GAPVD1: variants seen among roughly 807,000 people sequenced by gnomAD.
GAPVD1 encodes GTPase activating protein and VPS9 domains 1.
In GAPVD1, 35 loss-of-function variants were observed where a neutral mutation model predicts 155.5. The observed-to-expected ratio is 0.23, with a 90% CI of 0.17 to 0.30. The LOEUF (loss-of-function observed/expected upper bound fraction) is 0.30. Among genes scored for constraint, GAPVD1 ranks in the 10% least tolerant of loss-of-function variants. The probability of loss-of-function intolerance (pLI) is 1.00; values close to 1 mark genes in which losing one functional copy is unlikely to be tolerated. For synonymous variants in GAPVD1, 636 were observed against 619.7 expected, an observed-to-expected ratio of 1.03 and a Z score of -0.39; for missense variants, 1,429 against 1,775.7, an observed-to-expected ratio of 0.80 and a Z score of 3.51.
chr9:125,279,117 C>T (rs1463660154), intron 2 of GAPVD1, among the ~76,000 whole-genome samples: 1 of 150,182 alleles, frequency 6.7e-6, no homozygotes, highest in African/African-American at 2.5e-5. Flanking sequence ...GAGGCTGAAG[C>T]AGGGTAATCA....
rs540809150 is a variant in GAPVD1, at chr9:125,275,927, G to T, written c.-150+6943G>T. On this transcript the variant is annotated intron_variant, in intron 2 of 27. Coordinates refer to ENST00000297933, the MANE Select transcript of GAPVD1 (RefSeq NM_001282680.3). ...GTATTGATATTGTCTCAGTTGAGTT[G>T]TATAATAAAATCCGAGCTTAACCCA... 3.8e-4 allele frequency among the ~76,000 whole-genome samples: 58 copies of T among 152,274 alleles called. No homozygotes were observed. In the South Asian group the frequency reaches 0.011, roughly 30 times the overall value.
chr9:125,321,971 A>G (rs889067983), intron 10 of GAPVD1, among the ~76,000 whole-genome samples: 2 of 152,200 alleles, frequency 1.3e-5, no homozygotes, highest in Admixed American at 6.5e-5. Context: ...ACACTCACAC[A>G]TACCTTTATG....
In GAPVD1 at chr9:125,367,000, T is replaced by C. The variant is rs1242647785; in HGVS notation, c.*4254T>C. The C allele has an allele frequency of 3.3e-5, 5 of 152,224 alleles. No homozygotes were observed. The East Asian group carries it at 9.6e-4, about 29-fold the overall frequency. 9.4% of individuals were successfully genotyped at this position (152,224 alleles called of 1,614,324 possible). A position where few individuals can be genotyped will look rare whatever the true frequency, so the allele number is the denominator to read the frequency against. ...CACCTCTGTCAAATTAATACTCTCC[T>C]GTCTACTGGATTCTTCTTGTGCTTC... On this transcript the variant is annotated 3_prime_UTR_variant, in exon 28 of 28. Coordinates refer to ENST00000297933, the MANE Select transcript of GAPVD1 (RefSeq NM_001282680.3).
Position 125,326,417 on chromosome 9 carries a change from T to C in GAPVD1, c.1860T>C (p.Ala620=), listed in dbSNP as rs1356427143. The change falls in exon 12 of 28, where the codon GCT becomes GCC. Residue 620 remains alanine (A), a splice_region_variant and synonymous_variant. Coordinates refer to ENST00000297933, the MANE Select transcript of GAPVD1 (RefSeq NM_001282680.3). ...EALQLLEHEQ[A]TTQDNLDDKL... is the part of the protein sequence containing the mutation. ...AGTGCTTAATTTTGTTTTTGATAGC[T>C]ACAACACAGGATAACCTTGATGATA... 6.2e-7 allele frequency: 1 copy of C among 1,608,442 alleles called. No homozygotes were observed.
intron 2 of GAPVD1, among the ~76,000 whole-genome samples, chr9:125,270,947 C>A (rs533926225): frequency 2.0e-4 from 31 of 151,802 alleles, no homozygotes; most frequent in African/African-American, 6.8e-4. Flanking sequence ...GAAACTCCAT[C>A]TCAAAAAATA....
intron 9 of GAPVD1, among the ~76,000 whole-genome samples, chr9:125,315,442 G>C (rs1398571568): frequency 6.6e-6 from 1 of 152,198 alleles, no homozygotes; most frequent in Non-Finnish European, 1.5e-5. Context: ...CCCAGTGGCT[G>C]CTTTGAAGAC....
At chr9:125,288,406 G>A (rs970837662) in intron 2 of GAPVD1, among the ~76,000 whole-genome samples, 1 of 152,020 alleles carries the variant, frequency 6.6e-6, no homozygotes, top group Non-Finnish European at 1.5e-5. Flanking sequence ...CACTGCACCC[G>A]GCCTTGTTAA....
At chr9:125,360,758 A>G (rs369859764) in intron 27 of GAPVD1, 33 bp downstream of exon 27, 13 of 1,545,930 alleles carry the variant, frequency 8.4e-6, no homozygotes, top group Non-Finnish European at 1.2e-5. Context: ...TTAAGGAGTT[A>G]TGTGGCATTC....
intron 2 of GAPVD1, among the ~76,000 whole-genome samples, chr9:125,271,435 A>C (rs553379251): frequency 1.4e-4 from 22 of 152,310 alleles, no homozygotes; most frequent in Non-Finnish European, 2.8e-4. Context: ...GACAAAACAA[A>C]ATTAGTCAAG....
intron 9 of GAPVD1, among the ~76,000 whole-genome samples, chr9:125,318,496 T>C (rs949803593): frequency 1.3e-5 from 2 of 152,260 alleles, no homozygotes; most frequent in African/African-American, 4.8e-5. Flanking sequence ...AAAAAATATC[T>C]TCATTGTGTT....
intron 2 of GAPVD1, among the ~76,000 whole-genome samples, chr9:125,274,463 C>CTTTT (rs1161944755): frequency 7.2e-6 from 1 of 137,946 alleles, no homozygotes; most frequent in African/African-American, 2.6e-5. Flanking sequence ...GCGCTTTGTA[C>CTTTT]TTTTTTTTTT....
chr9:125,290,688 C>T (rs1248582965), intron 2 of GAPVD1, among the ~76,000 whole-genome samples: 1 of 152,116 alleles, frequency 6.6e-6, no homozygotes, highest in Non-Finnish European at 1.5e-5. Context: ...CAGTAAGCGT[C>T]CATCTAGGGT....
rs1437370492 is a variant in GAPVD1, at chr9:125,367,109, G to A, written c.*4363G>A. ...TCAATTAATGAGCTTGCACAATCTT[G>A]TATATGTACAGGAAACCCCTCCTGT... On this transcript the variant is annotated 3_prime_UTR_variant, in exon 28 of 28. Transcript: ENST00000297933. 6.6e-6 allele frequency: 1 copy of A among 152,110 alleles called. No homozygotes were observed. The highest frequency in any genetic ancestry group is 6.6e-5 in the Admixed American group (1 of 15,260). 9.4% of individuals were successfully genotyped at this position (152,110 alleles called of 1,614,324 possible).
chr9:125,342,345 A>G (rs370671028), intron 19 of GAPVD1, 46 bp downstream of exon 19: 3 of 1,039,304 alleles, frequency 2.9e-6, no homozygotes, highest in Non-Finnish European at 4.5e-6. Context: ...CCCAGAGCAC[A>G]TATTTCATAA....
intron 4 of GAPVD1, among the ~76,000 whole-genome samples, chr9:125,301,669 C>T (rs374670241): frequency 5.9e-5 from 9 of 151,796 alleles, no homozygotes; most frequent in East Asian, 5.8e-4. Flanking sequence ...AGGCTGGTCT[C>T]GACCTCCTGG....
chr9:125,334,497 CTTATTT>C (rs780472408), intron 15 of GAPVD1, among the ~76,000 whole-genome samples: 3 of 152,144 alleles, frequency 2.0e-5, no homozygotes, highest in Non-Finnish European at 4.4e-5. Context: ...AATGTTTCTC[CTTATTT>C]TTATTTGGTT....
At chr9:125,344,805 AT>A (rs1228518192) in intron 19 of GAPVD1, among the ~76,000 whole-genome samples, 2 of 150,852 alleles carry the variant, frequency 1.3e-5, no homozygotes, top group Non-Finnish European at 1.5e-5. Flanking sequence ...CCTTGTTTCT[AT>A]TAAAAAAAAA....
intron 19 of GAPVD1, among the ~76,000 whole-genome samples, chr9:125,342,991 G>T (rs539311488): frequency 6.6e-6 from 1 of 152,142 alleles, no homozygotes; most frequent in Non-Finnish European, 1.5e-5. Context: ...ACCCTAAAAG[G>T]ACAGTTTGAG....
Position 125,341,137 on chromosome 9 carries a change from G to T in GAPVD1, c.2878-40G>T, listed in dbSNP as rs768610399. ...AATCCTTTTCTTAGTAATTTATCCT[G>T]CTATCCAACTCCAAATAAAGCCTCC... On this transcript the variant is annotated intron_variant, in intron 17 of 27. Coordinates refer to ENST00000297933, the MANE Select transcript of GAPVD1 (RefSeq NM_001282680.3). 10 of 943,260 alleles carry T rather than the reference G, an allele frequency of 1.1e-5. No individual in the cohort carries two copies. In the African/African-American group the frequency reaches 1.6e-4, roughly 15 times the overall value. 58.4% of individuals were successfully genotyped at this position (943,260 alleles called of 1,614,324 possible).
Sources: allele counts gnomAD v4.1 joint callset (sites outside exome capture counted in the v4.1 genomes callset), GRCh38; gene constraint gnomAD v4.1.1; transcripts MANE v1.5; gene names NCBI Gene and HGNC (gene_info 2026-07-23, HGNC 2026-07-21).